Variants in PTPRD observed in about 807,000 individuals in gnomAD.
PTPRD encodes the protein receptor-type tyrosine-protein phosphatase delta.
Under a neutral mutation model 214.5 loss-of-function variants are expected in PTPRD, and 34 were observed. The ratio of observed to expected loss-of-function variants is 0.16; its 90% CI spans 0.12 to 0.21. PTPRD has a LOEUF of 0.21. PTPRD is among the 10% of genes least tolerant of loss of function. The pLI is 1.00. For missense variants in PTPRD, 2,545 were observed against 2,398.7 expected (o/e 1.06, Z -1.27); for synonymous variants, 1,128 against 845.7 (o/e 1.33, Z -5.79).
chr9:10,299,941 G>T (rs1377453093), intron 3 of PTPRD, among the ~76,000 whole-genome samples: 1 of 152,074 alleles, frequency 6.6e-6, no homozygotes, highest in African/African-American at 2.4e-5. Context: ...AGAAAACTTG[G>T]TGTACTAATC....
chr9:10,515,662 G>T (rs549283781), intron 2 of PTPRD, among the ~76,000 whole-genome samples: 7 of 151,834 alleles, frequency 4.6e-5, no homozygotes, highest in African/African-American at 1.7e-4. Flanking sequence ...TTAACTCTAG[G>T]CATGATATTT....
intron 3 of PTPRD, among the ~76,000 whole-genome samples, chr9:10,252,933 G>A (rs530235078): frequency 4.6e-5 from 7 of 151,936 alleles, no homozygotes; most frequent in Admixed American, 2.0e-4. Context: ...ACAGGTGTGC[G>A]CCACCACACC....
chr9:8,628,252 A>G (rs2096117032), intron 14 of PTPRD, among the ~76,000 whole-genome samples: 1 of 151,864 alleles, frequency 6.6e-6, no homozygotes, highest in Non-Finnish European at 1.5e-5. Flanking sequence ...ACTGTAATCA[A>G]CATGCTAATT....
At chr9:9,545,713 G>C (rs1345044288) in intron 8 of PTPRD, among the ~76,000 whole-genome samples, 4 of 151,620 alleles carry the variant, frequency 2.6e-5, no homozygotes, top group Non-Finnish European at 5.9e-5. Flanking sequence ...GATTACTGTA[G>C]GTGTATTGTA....
At chr9:9,947,780 A>T (rs1352405815) in intron 4 of PTPRD, among the ~76,000 whole-genome samples, 1 of 146,486 alleles carries the variant, frequency 6.8e-6, no homozygotes. Flanking sequence ...TTCCTATAAC[A>T]TGTATGAACC....
At chr9:8,583,494 A>T (rs2093365993) in intron 14 of PTPRD, among the ~76,000 whole-genome samples, 2 of 152,184 alleles carry the variant, frequency 1.3e-5, no homozygotes, top group South Asian at 4.1e-4. Context: ...TGGATAATTT[A>T]TTTAAAAAAA....
intron 9 of PTPRD, among the ~76,000 whole-genome samples, chr9:9,237,195 A>G (rs1158136734): frequency 6.6e-6 from 1 of 152,196 alleles, no homozygotes; most frequent in East Asian, 1.9e-4. Flanking sequence ...GAGCAAACAA[A>G]TGATAATACA....
At chr9:9,026,930 C>T (rs961426026) in intron 10 of PTPRD, among the ~76,000 whole-genome samples, 1 of 151,634 alleles carries the variant, frequency 6.6e-6, no homozygotes, top group African/African-American at 2.4e-5. Context: ...AGGAAGGAAT[C>T]TCCCCAGCCA....
chr9:8,737,027 C>A (rs1334054005), intron 11 of PTPRD, among the ~76,000 whole-genome samples: 1 of 152,196 alleles, frequency 6.6e-6, no homozygotes, highest in Non-Finnish European at 1.5e-5. Flanking sequence ...GCAAGCGTAT[C>A]AGAGCCAACT....
intron 11 of PTPRD, among the ~76,000 whole-genome samples, chr9:8,923,111 G>A (rs192804638): frequency 1.4e-3 from 205 of 147,960 alleles, no homozygotes; most frequent in African/African-American, 4.8e-3. Flanking sequence ...GTGTGGTCTC[G>A]GTTCACTGAA....
At chr9:10,339,410 C>G (rs2096899954) in intron 3 of PTPRD, among the ~76,000 whole-genome samples, 1 of 151,674 alleles carries the variant, frequency 6.6e-6, no homozygotes, top group African/African-American at 2.4e-5. Flanking sequence ...TCCTTCCCTT[C>G]ATCTGAAGTG....
intron 7 of PTPRD, among the ~76,000 whole-genome samples, chr9:9,590,424 G>T (rs1207366438): frequency 1.3e-5 from 2 of 151,960 alleles, no homozygotes; most frequent in African/African-American, 4.8e-5. Flanking sequence ...TAGAAACACT[G>T]CTTACACTAT....
intron 11 of PTPRD, among the ~76,000 whole-genome samples, chr9:8,910,246 C>G (rs1476612493): frequency 6.6e-6 from 1 of 151,882 alleles, no homozygotes; most frequent in Non-Finnish European, 1.5e-5. Flanking sequence ...ACCGTGTTAG[C>G]CAGGATGGTC....
chr9:8,799,453 T>G (rs2096526563), intron 11 of PTPRD, among the ~76,000 whole-genome samples: 2 of 152,214 alleles, frequency 1.3e-5, no homozygotes, highest in African/African-American at 4.8e-5. Flanking sequence ...ATATAAGCAC[T>G]AAATACATCA....
intron 2 of PTPRD, among the ~76,000 whole-genome samples, chr9:10,548,255 A>G (rs1446246939): frequency 6.6e-6 from 1 of 152,158 alleles, no homozygotes; most frequent in Non-Finnish European, 1.5e-5. Context: ...TTTAAATGTA[A>G]GTAATCTTTT....
chr9:9,851,065 A>G (rs2060464859), intron 5 of PTPRD, among the ~76,000 whole-genome samples: 1 of 152,210 alleles, frequency 6.6e-6, no homozygotes, highest in South Asian at 2.1e-4. Context: ...CAAATTGGGG[A>G]TCACAATACC....
chr9:8,539,172 T>G (rs908613299), intron 14 of PTPRD, among the ~76,000 whole-genome samples: 1 of 152,018 alleles, frequency 6.6e-6, no homozygotes, highest in Non-Finnish European at 1.5e-5. Context: ...CATACTGATA[T>G]AAATAACTGA....
At chr9:9,793,391 C>T (rs1047061681) in intron 5 of PTPRD, among the ~76,000 whole-genome samples, 4 of 152,166 alleles carry the variant, frequency 2.6e-5, no homozygotes, top group African/African-American at 7.2e-5. Flanking sequence ...CTTGGTCAAA[C>T]TCATGATCTT....
rs2095628613 is a variant in PTPRD at position 9,486,185 on chromosome 9, A to AG, written c.-237+88546dup. On this transcript the variant is annotated intron_variant, in intron 8 of 45. Coordinates refer to ENST00000381196, the MANE Select transcript of PTPRD (RefSeq NM_002839.4). ...AAAAAAAAAAAAAAAAAAAAAAAAA[A>AG]GCCTTCCCTTGAAGTCACTATGTGA... Among the ~76,000 whole-genome samples, 24 of 136,176 alleles carry AG rather than the reference A, an allele frequency of 1.8e-4. 1 individual carries two copies. The highest frequency in any genetic ancestry group is 3.3e-4 in the Non-Finnish European group (21 of 62,716). The allele number at this position is 136,176 out of a possible 152,430, so 89.3% of individuals were successfully genotyped here. A position where few individuals can be genotyped will look rare whatever the true frequency, so the allele number is the denominator to read the frequency against.
Sources: gnomAD v4.1 joint callset for allele counts (sites outside exome capture counted in the v4.1 genomes callset) on GRCh38, gnomAD v4.1.1 for gene constraint, MANE v1.5 for transcripts, NCBI Gene and HGNC (gene_info 2026-07-23, HGNC 2026-07-21) for gene names.